Variants in NR6A1 observed in about 807,000 individuals in gnomAD.
NR6A1 encodes retinoic acid receptor-related testis-associated receptor.
In NR6A1, 7 loss-of-function variants were observed where a neutral mutation model predicts 59.1. That is an observed-to-expected ratio of 0.12 (90% CI 0.07 to 0.22). NR6A1 has a LOEUF of 0.22. Among genes scored for constraint, NR6A1 ranks in the 10% least tolerant of loss-of-function variants. NR6A1 has a pLI of 1.00. For synonymous variants in NR6A1, 243 were observed against 236.1 expected, an observed-to-expected ratio of 1.03 and a Z score of -0.27; for missense variants, 468 against 611.6, an observed-to-expected ratio of 0.77 and a Z score of 2.48.
intron 1 of NR6A1, among the ~76,000 whole-genome samples, chr9:124,759,027 T>C (rs1374504277): frequency 1.3e-5 from 2 of 152,186 alleles, no homozygotes; most frequent in Non-Finnish European, 2.9e-5. Context: ...AAGTATCTCC[T>C]GGGCCTCATA....
At chr9:124,638,279 G>C (rs956849394) in intron 2 of NR6A1, among the ~76,000 whole-genome samples, 1 of 150,738 alleles carries the variant, frequency 6.6e-6, no homozygotes, top group Non-Finnish European at 1.5e-5. Context: ...AAAAAAAAAA[G>C]TTCAAGGACC....
intron 2 of NR6A1, among the ~76,000 whole-genome samples, chr9:124,689,945 C>T (rs1004238422): frequency 3.3e-5 from 5 of 152,074 alleles, no homozygotes; most frequent in African/African-American, 1.2e-4. Flanking sequence ...TCCAGGATGG[C>T]AAGGGTTTTA....
At chr9:124,535,603 T>A (rs1833237383) in intron 7 of NR6A1, among the ~76,000 whole-genome samples, 1 of 152,110 alleles carries the variant, frequency 6.6e-6, no homozygotes, top group African/African-American at 2.4e-5. Context: ...TTAAAAAAAA[T>A]TACAGCTTAG....
intron 1 of NR6A1, among the ~76,000 whole-genome samples, chr9:124,757,903 T>A (rs1463766824): frequency 6.6e-6 from 1 of 152,242 alleles, no homozygotes; most frequent in East Asian, 1.9e-4. Context: ...TTTCACACAC[T>A]TCGGCTTGCT....
intron 1 of NR6A1, among the ~76,000 whole-genome samples, chr9:124,735,116 T>A (rs1376635640): frequency 6.6e-6 from 1 of 152,206 alleles, no homozygotes; most frequent in African/African-American, 2.4e-5. Flanking sequence ...AGTGCTGGGA[T>A]TACAGAAAGC....
At chr9:124,674,029 T>A (rs1837877760) in intron 2 of NR6A1, among the ~76,000 whole-genome samples, 1 of 152,182 alleles carries the variant, frequency 6.6e-6, no homozygotes, top group South Asian at 2.1e-4. Context: ...GCAAACGACT[T>A]TTCTCTAGCT....
At chr9:124,656,616 G>A (rs969414035) in intron 2 of NR6A1, among the ~76,000 whole-genome samples, 1 of 152,144 alleles carries the variant, frequency 6.6e-6, no homozygotes, top group African/African-American at 2.4e-5. Context: ...TGGATCACTT[G>A]AGATCACGAG....
chr9:124,547,840 G>T (rs1295163742), intron 3 of NR6A1, among the ~76,000 whole-genome samples: 4 of 152,098 alleles, frequency 2.6e-5, no homozygotes, highest in Admixed American at 1.3e-4. Context: ...AGACTGAAAA[G>T]ACATAAAAAC....
intron 2 of NR6A1, among the ~76,000 whole-genome samples, chr9:124,679,581 CT>C (rs1838065937): frequency 6.6e-6 from 1 of 152,048 alleles, no homozygotes. Context: ...TTTTTCATTG[CT>C]TTTCAAATCT....
intron 2 of NR6A1, among the ~76,000 whole-genome samples, chr9:124,623,358 ATTATTAT>A (rs1035940058): frequency 2.6e-5 from 4 of 151,316 alleles, no homozygotes; most frequent in Non-Finnish European, 5.9e-5. Flanking sequence ...AATTATTATT[ATTATTAT>A]TTATTTATTT....
intron 7 of NR6A1, among the ~76,000 whole-genome samples, chr9:124,530,426 C>T (rs1833071177): frequency 6.6e-6 from 1 of 152,244 alleles, no homozygotes; most frequent in African/African-American, 2.4e-5. Flanking sequence ...TCCTCCACAT[C>T]TGCCCACTCC....
chr9:124,696,601 C>A (rs1838773268), intron 2 of NR6A1, among the ~76,000 whole-genome samples: 1 of 141,018 alleles, frequency 7.1e-6, no homozygotes, highest in Admixed American at 7.9e-5. Flanking sequence ...CGGCTCACTG[C>A]AACCTCTGCC....
Position 124,550,546 on chromosome 9 carries a change from C to T in NR6A1, c.385+3782G>A, listed in dbSNP as rs147874099. On this transcript the variant is annotated intron_variant, in intron 3 of 9. Transcript: ENST00000487099. ...TTTTTGTATTTTTTTTTTGTATAGACGGGGTTTCAGCATGATACCAAGGCT... is the reference window on the plus strand; with the variant it reads ...TTTTTGTATTTTTTTTTTGTATAGATGGGGTTTCAGCATGATACCAAGGCT... Among the ~76,000 whole-genome samples the T allele has an allele frequency of 5.7e-4, 86 of 151,184 alleles. No individual in the cohort carries two copies. In the East Asian group the frequency reaches 0.016, roughly 29 times the overall value.
At chr9:124,757,009 AG>A (rs954872778) in intron 1 of NR6A1, among the ~76,000 whole-genome samples, 4 of 142,648 alleles carry the variant, frequency 2.8e-5, no homozygotes, top group African/African-American at 1.0e-4. Context: ...AAGGGCGGGT[AG>A]GGGGGGAATG....
intron 2 of NR6A1, among the ~76,000 whole-genome samples, chr9:124,721,321 G>A (rs1243937697): frequency 2.0e-5 from 3 of 152,302 alleles, no homozygotes; most frequent in East Asian, 3.9e-4. Context: ...AAGGGGATGA[G>A]AGTTCACCCT....
chr9:124,566,879 C>T (rs531424904), intron 2 of NR6A1, among the ~76,000 whole-genome samples: 2 of 152,234 alleles, frequency 1.3e-5, no homozygotes, highest in African/African-American at 2.4e-5. Context: ...GAGGCCAAGG[C>T]GGGCGGATCA....
At chr9:124,549,614 GAAC>G (rs1833708758) in intron 3 of NR6A1, among the ~76,000 whole-genome samples, 1 of 152,186 alleles carries the variant, frequency 6.6e-6, no homozygotes, top group Non-Finnish European at 1.5e-5. Flanking sequence ...CAAAGATGGA[GAAC>G]AACAGAGAGC....
chr9:124,601,139 G>A (rs542649922), intron 2 of NR6A1, among the ~76,000 whole-genome samples: 2 of 152,056 alleles, frequency 1.3e-5, no homozygotes, highest in South Asian at 4.1e-4. Context: ...AGCCAGGCAT[G>A]GTGGCACACG....
intron 2 of NR6A1, among the ~76,000 whole-genome samples, chr9:124,568,946 T>C (rs1834358167): frequency 6.6e-6 from 1 of 151,774 alleles, no homozygotes; most frequent in Admixed American, 6.5e-5. Context: ...ACACCGTCTC[T>C]ACTGAAAATA....
Sources: allele counts gnomAD v4.1 joint callset (sites outside exome capture counted in the v4.1 genomes callset), GRCh38; gene constraint gnomAD v4.1.1; transcripts MANE v1.5; gene names NCBI Gene and HGNC (gene_info 2026-07-23, HGNC 2026-07-21).